KLHL12: variants seen among roughly 807,000 people sequenced by gnomAD.
The protein encoded by KLHL12 is kelch-like protein 12.
A neutral mutation model predicts 60.8 loss-of-function variants in KLHL12; 17 were observed. The ratio of observed to expected loss-of-function variants is 0.28; its 90% confidence interval spans 0.19 to 0.42. The LOEUF is 0.42. KLHL12 is among the 10% of genes least tolerant of loss of function. The probability of loss-of-function intolerance (pLI) is 1.00; values close to 1 mark genes in which losing one functional copy is unlikely to be tolerated. For missense variants in KLHL12, 468 were observed against 722.3 expected (o/e 0.65, Z 4.04); for synonymous variants, 220 against 250.9 (o/e 0.88, Z 1.16).
intron 6 of KLHL12, among the ~76,000 whole-genome samples, chr1:202,900,140 A>G (rs1436920230): frequency 6.6e-6 from 1 of 152,150 alleles, no homozygotes; most frequent in Non-Finnish European, 1.5e-5. Flanking sequence ...ACCAAGAGGT[A>G]CTTCCTGTGC....
intron 4 of KLHL12, among the ~76,000 whole-genome samples, chr1:202,917,439 C>T (rs926666144): frequency 2.4e-5 from 2 of 81,786 alleles, no homozygotes; most frequent in Non-Finnish European, 5.8e-5. Context: ...TATCAAACTC[C>T]TGGACACAAG....
chr1:202,911,031 C>G (rs1456447850), intron 5 of KLHL12, 23 bp downstream of exon 5: 2 of 1,611,756 alleles, frequency 1.2e-6, no homozygotes, highest in Non-Finnish European at 8.5e-7. Context: ...GGTTTTGGAT[C>G]CTGAGAGTGT....
At position 202,918,713 on chromosome 1, in the gene KLHL12, G is replaced by A. The variant is rs139700374; in HGVS notation, c.350-325C>T. ...GGAATCAAACTATAAAACCAATTGC[G>A]AATTCAGCATAATGTATCCATTTTC... On this transcript the variant is annotated intron_variant, in intron 3 of 11. Coordinates refer to ENST00000367261, the MANE Select transcript of KLHL12 (RefSeq NM_021633.4). Among the ~76,000 whole-genome samples, 508 of 152,208 alleles carry A rather than the reference G, an allele frequency of 3.3e-3. 3 individuals carry two copies. Among genetic ancestry groups the A allele is most frequent in the African/African-American group, 0.012 (491 of 41,538 alleles).
At chr1:202,920,298 A>G (rs1243929215) in intron 2 of KLHL12, among the ~76,000 whole-genome samples, 1 of 151,714 alleles carries the variant, frequency 6.6e-6, no homozygotes, top group Non-Finnish European at 1.5e-5. Context: ...TGGGCACCAG[A>G]GTGAGACTCC....
In KLHL12 at chr1:202,895,759, G is replaced by C; in HGVS notation, c.940-42C>G. On this transcript the variant is annotated intron_variant, in intron 7 of 11. Coordinates refer to ENST00000367261, the MANE Select transcript of KLHL12 (RefSeq NM_021633.4). The surrounding 1 kb of genome is among the most constrained non-coding windows in gnomAD (Gnocchi z 4.2). ...AAGAGGTACAGAGCATTTCAGTTAG[G>C]CAAGTTTTGGGCCTTACCTTTTGCT... The C allele has an allele frequency of 1.9e-6, 3 of 1,538,516 alleles. No homozygotes were observed. The highest frequency in any genetic ancestry group is 2.7e-6 in the Non-Finnish European group (3 of 1,119,430).
chr1:202,894,482 GT>G, intron 9 of KLHL12, 108 bp downstream of exon 9: 1 of 1,109,204 alleles, frequency 9.0e-7, no homozygotes, highest in Non-Finnish European at 1.4e-6. Context: ...ACACACCAGG[GT>G]TTTAGTTGAA....
chr1:202,899,829 A>T (rs1436292751), intron 6 of KLHL12, among the ~76,000 whole-genome samples: 83 of 147,322 alleles, frequency 5.6e-4, no homozygotes, highest in Middle Eastern at 3.5e-3. Context: ...TCTCAAAAAA[A>T]AAAAAAAAAA....
chr1:202,928,312 CA>C (rs574410679), upstream of KLHL12, among the ~76,000 whole-genome samples: 1 of 149,272 alleles, frequency 6.7e-6, no homozygotes, highest in Non-Finnish European at 1.5e-5. Flanking sequence ...AAAGAAAAAA[CA>C]AAAAAAAGGC....
Position 202,926,109 on chromosome 1 carries a change from A to AC in KLHL12, c.-45-903_-45-902insG, listed in dbSNP as rs1467343988. ...AACAGAGCGAGACTCTGTCTCAAAA[A>AC]AAAAAAAAAAAAAAGAAACTTCAAT... On this transcript the variant is annotated intron_variant, in intron 1 of 11. Coordinates refer to ENST00000367261, the MANE Select transcript of KLHL12 (RefSeq NM_021633.4). 7.2e-4 allele frequency among the ~76,000 whole-genome samples: 107 copies of AC among 148,852 alleles called. 1 individual carries two copies. The highest frequency in any genetic ancestry group is 8.6e-4 in the Admixed American group (13 of 15,126).
At chr1:202,898,829 A>AT (rs908046437) in intron 6 of KLHL12, among the ~76,000 whole-genome samples, 7 of 151,990 alleles carry the variant, frequency 4.6e-5, no homozygotes, top group Non-Finnish European at 8.8e-5. Context: ...TTTGAACAAC[A>AT]TAAGTACTCA....
chr1:202,921,151 C>T (rs1268247587), intron 2 of KLHL12, among the ~76,000 whole-genome samples: 3 of 150,822 alleles, frequency 2.0e-5, no homozygotes, highest in Non-Finnish European at 4.4e-5. Context: ...GCTGGGATTA[C>T]AGGAGTACAC....
intron 4 of KLHL12, among the ~76,000 whole-genome samples, chr1:202,917,188 A>T (rs1320199272): frequency 6.6e-6 from 1 of 152,126 alleles, no homozygotes; most frequent in African/African-American, 2.4e-5. Flanking sequence ...TGGCACAGGT[A>T]GTATCCCCCT....
rs1319420290 is a variant in KLHL12, at chr1:202,894,116, CACCACCATTAT to C, written c.1393+57_1393+67del. ...ACATTAATCTACGGTTTGTCCCATG[CACCACCATTAT>C]ATATGTAAAGGTCTGACAGCATCGC... On this transcript the variant is annotated intron_variant, in intron 10 of 11. Coordinates refer to ENST00000367261, the MANE Select transcript of KLHL12 (RefSeq NM_021633.4). 9 of 854,636 alleles carry C rather than the reference CACCACCATTAT, an allele frequency of 1.1e-5. No individual in the cohort carries two copies. The African/African-American group carries it at 1.4e-4, about 13-fold the overall frequency. The allele number at this position is 854,636 out of a possible 1,614,324, so 52.9% of individuals were successfully genotyped here.
At position 202,903,629 on chromosome 1, in the gene KLHL12, C is replaced by CTTTTTTTT. The variant is rs1220119536; in HGVS notation, c.832+5373_832+5380dup. 2.7e-3 allele frequency among the ~76,000 whole-genome samples: 208 copies of CTTTTTTTT among 76,082 alleles called. 21 individuals carry two copies. Among genetic ancestry groups the CTTTTTTTT allele is most frequent in the African/African-American group, 7.5e-3 (168 of 22,358 alleles). 49.9% of individuals were successfully genotyped at this position (76,082 alleles called of 152,430 possible). A position where few individuals can be genotyped will look rare whatever the true frequency, so the allele number is the denominator to read the frequency against. The stretch of plus-strand genomic sequence containing the variant: ...CTGGGACCACTAATTTTTTTCTTTT[C>CTTTTTTTT]TTTTTTTTTTTGAAACGGCGTCTTG... On this transcript the variant is annotated intron_variant, in intron 6 of 11. Coordinates refer to ENST00000367261, the MANE Select transcript of KLHL12 (RefSeq NM_021633.4).
intron 9 of KLHL12, 134 bp from the exon 10 acceptor site, chr1:202,894,416 T>C: frequency 1.1e-6 from 1 of 875,044 alleles, no homozygotes; most frequent in South Asian, 1.6e-5. Context: ...CTAAGAGAAA[T>C]CTGACATTAT....
In KLHL12 at chr1:202,893,350, A is replaced by G. The variant is rs746285996; in HGVS notation, c.1469T>C (p.Val490Ala). ...GFDGTAHLSS[V>A]EAYNIRTDSW... Reference sequence around the variant, plus strand: ...ATCAGTGCGAATGTTGTATGCTTCAACGGAAGAAAGGTGGGCTGTACCATC... The same window carrying G: ...ATCAGTGCGAATGTTGTATGCTTCAGCGGAAGAAAGGTGGGCTGTACCATC... Residue 490 changes from valine (V) to alanine (A), a missense_variant, in exon 11 of 12, where the codon GTT becomes GCT. Physicochemically the swap from Val to Ala is moderately conservative, Grantham distance 64 (BLOSUM62 0). Around this residue, in one of 4 missense-constraint regions of KLHL12, gnomAD observed 68 missense variants for 119.8 expected, o/e 0.57. Coordinates refer to ENST00000367261, the MANE Select transcript of KLHL12 (RefSeq NM_021633.4). The surrounding 1 kb of genome is among the most constrained non-coding windows in gnomAD (Gnocchi z 4.1). The G allele has an allele frequency of 8.7e-6, 14 of 1,614,002 alleles. No individual in the cohort carries two copies. The highest frequency in any genetic ancestry group is 3.4e-6 in the Non-Finnish European group (4 of 1,179,962).
intron 1 of KLHL12, 64 bp downstream of exon 1, chr1:202,927,025 C>T: frequency 1.0e-6 from 1 of 973,876 alleles, no homozygotes; most frequent in South Asian, 4.7e-5. Context: ...GGGGGTAGGG[C>T]CATAACCCGG....
chr1:202,906,210 T>C (rs1660181923), intron 6 of KLHL12, among the ~76,000 whole-genome samples: 1 of 149,324 alleles, frequency 6.7e-6, no homozygotes, highest in African/African-American at 2.4e-5. Flanking sequence ...CCCAGCACTT[T>C]AGGAGGCTGA....
chr1:202,896,415 T>C (rs960362487), intron 7 of KLHL12, among the ~76,000 whole-genome samples: 1 of 152,186 alleles, frequency 6.6e-6, no homozygotes, highest in Non-Finnish European at 1.5e-5. Context: ...GGTCTTGAAC[T>C]CCTGGCCTCA....
Sources: gnomAD v4.1 joint callset for allele counts (sites outside exome capture counted in the v4.1 genomes callset) on GRCh38, gnomAD v4.1.1 for gene constraint, gnomAD v4.1.1 regional missense constraint, Gnocchi (gnomAD v3.1) non-coding constraint, MANE v1.5 for transcripts, NCBI Gene and HGNC (gene_info 2026-07-23, HGNC 2026-07-21) for gene names.